NECAB1: variants seen among roughly 807,000 people sequenced by gnomAD.
NECAB1 encodes N-terminal EF-hand calcium binding protein 1, also known as N-terminal EF-hand calcium-binding protein 1.
NECAB1 carries 29 observed loss-of-function variants against 57.5 expected under a neutral mutation model. The ratio of observed to expected loss-of-function variants is 0.50; its 90% CI spans 0.38 to 0.69. The LOEUF (loss-of-function observed/expected upper bound fraction) is 0.69. Among genes scored for constraint, NECAB1 ranks in the 30% least tolerant of loss-of-function variants. NECAB1 has a pLI of 0.00. For missense variants in NECAB1, 372 were observed against 413.8 expected (o/e 0.90, Z 0.88); for synonymous variants, 142 against 147.7 (o/e 0.96, Z 0.28).
At chr8:90,928,195 T>C (rs761438344) in intron 7 of NECAB1, 28 bp from the exon 8 acceptor site, 4 of 1,525,566 alleles carry the variant, frequency 2.6e-6, no homozygotes, top group African/African-American at 2.8e-5. Flanking sequence ...GTTTAACATA[T>C]TGCCCTCATG....
chr8:90,821,453 C>T (rs1050808253), intron 2 of NECAB1, among the ~76,000 whole-genome samples: 3 of 151,800 alleles, frequency 2.0e-5, no homozygotes, highest in Non-Finnish European at 2.9e-5. Context: ...TCCTTCTATC[C>T]TCCAAATATA....
At chr8:90,841,371 T>C (rs2129745274) in intron 3 of NECAB1, among the ~76,000 whole-genome samples, 1 of 152,314 alleles carries the variant, frequency 6.6e-6, no homozygotes, top group Non-Finnish European at 1.5e-5. Flanking sequence ...ATATCTCCCT[T>C]TCTGAAGAGG....
rs958631626 is a variant in NECAB1 at position 90,833,792 on chromosome 8, A to G, written c.233+8967A>G. Among the ~76,000 whole-genome samples the G allele has an allele frequency of 2.0e-5, 3 of 152,216 alleles. No individual in the cohort carries two copies. In the East Asian group the frequency reaches 5.8e-4, roughly 29 times the overall value. On this transcript the variant is annotated intron_variant, in intron 3 of 12. Transcript: ENST00000417640. ...TTTTTCCTCCATTTCCAATGCCCCA[A>G]CCAATTCTGTACATTTTTCTCAAGA...
At chr8:90,875,350 G>A (rs890845038) in intron 4 of NECAB1, among the ~76,000 whole-genome samples, 4 of 150,366 alleles carry the variant, frequency 2.7e-5, no homozygotes, top group East Asian at 2.0e-4. Flanking sequence ...GCGCGGTGGC[G>A]GGCGCCTGTA....
At chr8:90,893,035 T>C (rs1181471382) in intron 5 of NECAB1, among the ~76,000 whole-genome samples, 1 of 152,212 alleles carries the variant, frequency 6.6e-6, no homozygotes, top group Non-Finnish European at 1.5e-5. Flanking sequence ...CCACCATCTC[T>C]GTCTCCCAAC....
chr8:90,923,267 G>A (rs1810172029), intron 6 of NECAB1, among the ~76,000 whole-genome samples: 1 of 152,168 alleles, frequency 6.6e-6, no homozygotes. Flanking sequence ...ATGTATACCT[G>A]GCACAGCTGA....
At chr8:90,898,209 C>T (rs1436500734) in intron 5 of NECAB1, among the ~76,000 whole-genome samples, 4 of 152,132 alleles carry the variant, frequency 2.6e-5, no homozygotes, top group Non-Finnish European at 5.9e-5. Context: ...AGCCTGGCTG[C>T]TCCCATGAGA....
intron 3 of NECAB1, among the ~76,000 whole-genome samples, chr8:90,837,277 A>G (rs1812383676): frequency 1.3e-5 from 2 of 152,200 alleles, no homozygotes; most frequent in South Asian, 2.1e-4. Context: ...AAGTTCCAAG[A>G]CCCACAGTGG....
At chr8:90,871,582 A>T (rs1385778837) in intron 3 of NECAB1, among the ~76,000 whole-genome samples, 1 of 152,156 alleles carries the variant, frequency 6.6e-6, no homozygotes, top group Non-Finnish European at 1.5e-5. Context: ...AACTTACCTC[A>T]AAGGCTGAAT....
At chr8:90,865,571 C>T (rs1808497047) in intron 3 of NECAB1, among the ~76,000 whole-genome samples, 2 of 152,192 alleles carry the variant, frequency 1.3e-5, no homozygotes, top group Admixed American at 6.5e-5. Flanking sequence ...CCTTATGTAT[C>T]ATCTTGCTTC....
At chr8:90,946,832 G>C (rs1367017660) in intron 10 of NECAB1, among the ~76,000 whole-genome samples, 1 of 152,214 alleles carries the variant, frequency 6.6e-6, no homozygotes, top group Non-Finnish European at 1.5e-5. Flanking sequence ...GGGAAGGCTA[G>C]GAAACAAGTG....
chr8:90,827,787 T>C (rs960708578), intron 3 of NECAB1, among the ~76,000 whole-genome samples: 1 of 152,020 alleles, frequency 6.6e-6, no homozygotes, highest in Admixed American at 6.6e-5. Context: ...CTTGTGTCTA[T>C]AGTGCAGTAT....
intron 5 of NECAB1, among the ~76,000 whole-genome samples, chr8:90,889,958 T>A (rs200454066): frequency 9.9e-6 from 1 of 101,316 alleles, no homozygotes; most frequent in Non-Finnish European, 1.8e-5. Context: ...TGTGTGTGTG[T>A]GAGTGTGTGT....
chr8:90,921,914 T>C (rs1353751172), intron 6 of NECAB1, among the ~76,000 whole-genome samples: 2 of 152,212 alleles, frequency 1.3e-5, no homozygotes, highest in Admixed American at 6.5e-5. Context: ...AGACATGCCA[T>C]GTTGGGCAAA....
chr8:90,932,785 G>A (rs1006376498), intron 8 of NECAB1, among the ~76,000 whole-genome samples: 3 of 152,130 alleles, frequency 2.0e-5, no homozygotes, highest in African/African-American at 7.2e-5. Flanking sequence ...TTATTTGAAG[G>A]AGTTATTCTA....
intron 3 of NECAB1, among the ~76,000 whole-genome samples, chr8:90,858,431 C>A (rs893319925): frequency 4.6e-5 from 7 of 152,148 alleles, no homozygotes. Context: ...ATATTGTTAA[C>A]ATATTTGCAA....
At chr8:90,886,562 T>C (rs1173337440) in intron 5 of NECAB1, among the ~76,000 whole-genome samples, 2 of 152,122 alleles carry the variant, frequency 1.3e-5, no homozygotes, top group African/African-American at 2.4e-5. Context: ...GTTTTGTTTT[T>C]TTGGTGGAGA....
At chr8:90,918,255 A>G (rs1973282) in intron 6 of NECAB1, among the ~76,000 whole-genome samples, 79,902 of 151,338 alleles carry the variant, frequency 0.53, 24,636 homozygotes, top group African/African-American at 0.83. Flanking sequence ...CAGATGATCC[A>G]CCCATCTTGG....
chr8:90,867,206 T>C (rs991029061), intron 3 of NECAB1, among the ~76,000 whole-genome samples: 3 of 152,234 alleles, frequency 2.0e-5, no homozygotes, highest in Non-Finnish European at 4.4e-5. Context: ...AGAACTAATG[T>C]CATGCAGATT....
Sources: allele counts gnomAD v4.1 joint callset (sites outside exome capture counted in the v4.1 genomes callset), GRCh38; gene constraint gnomAD v4.1.1; transcripts MANE v1.5; gene names NCBI Gene and HGNC (gene_info 2026-07-23, HGNC 2026-07-21).